The following GSE1 variants were observed in gnomAD, a reference collection of about 807,000 sequenced individuals.
GSE1 encodes the protein genetic suppressor element 1.
In GSE1, 32 loss-of-function variants were observed where a neutral mutation model predicts 112.6. That is an observed-to-expected ratio of 0.28 (90% CI 0.21 to 0.38). GSE1 has a LOEUF of 0.38. Among genes scored for constraint, GSE1 ranks in the 10% least tolerant of loss-of-function variants. GSE1 has a pLI of 1.00. For synonymous variants in GSE1, 1,115 were observed against 735.6 expected (o/e 1.52, Z -8.35); for missense variants, 2,348 against 1,699.2 (o/e 1.38, Z -6.71).
chr16:85,479,975 G>T (rs1245876776), intron 2 of GSE1, among the ~76,000 whole-genome samples: 1 of 152,232 alleles, frequency 6.6e-6, no homozygotes, highest in African/African-American at 2.4e-5. Flanking sequence ...AGCTCAGAAA[G>T]GACCCAAGGT....
intron 2 of GSE1, among the ~76,000 whole-genome samples, chr16:85,638,926 G>T (rs1205257165): frequency 1.3e-5 from 2 of 152,124 alleles, no homozygotes; most frequent in Non-Finnish European, 2.9e-5. Context: ...AGTGGTGCAG[G>T]GTGCAGGCAG....
chr16:85,667,409 C>A (rs187181217), intron 13 of GSE1, among the ~76,000 whole-genome samples: 2 of 152,232 alleles, frequency 1.3e-5, no homozygotes, highest in South Asian at 4.1e-4. Flanking sequence ...CACCAGGCCA[C>A]GCCATGAGAC....
At chr16:85,200,732 C>T (rs1483907215) in intron 1 of GSE1, among the ~76,000 whole-genome samples, 1 of 152,196 alleles carries the variant, frequency 6.6e-6, no homozygotes. Context: ...CAATTTTTGT[C>T]GTGCTAAGAT....
At chr16:85,481,138 G>A (rs753228039) in intron 2 of GSE1, among the ~76,000 whole-genome samples, 1 of 150,266 alleles carries the variant, frequency 6.7e-6, no homozygotes, top group African/African-American at 2.4e-5. Context: ...CTCCCCACCC[G>A]GTCCATCCCC....
chr16:85,633,866 G>C, intron 1 of GSE1, 48 bp from the exon 2 acceptor site: 1 of 1,477,026 alleles, frequency 6.8e-7, no homozygotes, highest in Non-Finnish European at 9.4e-7. Context: ...CTGGTGCTGG[G>C]CGCTCCTGCT....
At chr16:85,242,150 C>T (rs1023750658) in intron 1 of GSE1, among the ~76,000 whole-genome samples, 2 of 152,210 alleles carry the variant, frequency 1.3e-5, no homozygotes, top group East Asian at 1.9e-4. Flanking sequence ...CCAGGCATCT[C>T]GCCCTGTGGA....
Position 85,651,716 on chromosome 16 carries a change from A to T in GSE1, c.427-2562A>T, listed in dbSNP as rs1038017681. On this transcript the variant is annotated intron_variant, in intron 3 of 15. Coordinates refer to ENST00000253458, the MANE Select transcript of GSE1 (RefSeq NM_014615.5). ...GACTCTGGCCACCCAAGGCTGGGTG[A>T]TGATTGAAGCCCCTGGCTGTCGTCT... Among the ~76,000 whole-genome samples, 8 of 152,268 alleles carry T rather than the reference A, an allele frequency of 5.3e-5. 1 individual carries two copies. The highest frequency in any genetic ancestry group is 6.8e-3 in the Middle Eastern group (2 of 294).
intron 2 of GSE1, among the ~76,000 whole-genome samples, chr16:85,524,477 T>C (rs531003897): frequency 8.6e-5 from 13 of 150,894 alleles, no homozygotes; most frequent in African/African-American, 2.9e-4. Flanking sequence ...GGTTGTCAGA[T>C]GGGGCCCTGC....
At position 85,675,269 on chromosome 16, in the gene GSE1, A is replaced by T. The variant is rs1009727326; in HGVS notation, c.*2730A>T. The T allele has an allele frequency of 4.6e-5, 7 of 152,166 alleles. No homozygotes were observed. Among genetic ancestry groups the T allele is most frequent in the South Asian group, 2.1e-4 (1 of 4,832 alleles). The allele number at this position is 152,166 out of a possible 1,614,324, so 9.4% of individuals were successfully genotyped here. On this transcript the variant is annotated 3_prime_UTR_variant, in exon 16 of 16. Coordinates refer to ENST00000253458, the MANE Select transcript of GSE1 (RefSeq NM_014615.5). ...AAGCCCTCGGCTCGGTCCTTAGACC[A>T]TCTTCCTACATTACCTGGAAGGGAG... is the stretch of plus-strand genomic sequence containing the variant.
At chr16:85,393,542 G>A (rs544264046) in intron 2 of GSE1, among the ~76,000 whole-genome samples, 1 of 152,340 alleles carries the variant, frequency 6.6e-6, no homozygotes, top group East Asian at 1.9e-4. Flanking sequence ...AAGGGGTGTG[G>A]AAGCAGCTGG....
At chr16:85,360,905 A>T (rs994619154) in intron 2 of GSE1, among the ~76,000 whole-genome samples, 2 of 151,904 alleles carry the variant, frequency 1.3e-5, no homozygotes, top group African/African-American at 2.4e-5. Context: ...ATGCACGTGG[A>T]TACACAGACT....
At chr16:85,179,995 C>G (rs903814345) in intron 1 of GSE1, among the ~76,000 whole-genome samples, 2 of 152,204 alleles carry the variant, frequency 1.3e-5, no homozygotes, top group Non-Finnish European at 2.9e-5. Flanking sequence ...CGCTAACCAT[C>G]TCGTCTTTCT....
intron 1 of GSE1, among the ~76,000 whole-genome samples, chr16:85,558,856 C>A (rs1015169908): frequency 2.0e-5 from 3 of 152,030 alleles, no homozygotes; most frequent in Non-Finnish European, 4.4e-5. Context: ...ACGGCAGTGG[C>A]CTGGTCCTCT....
At chr16:85,342,381 C>G (rs2046642402) in intron 1 of GSE1, among the ~76,000 whole-genome samples, 1 of 152,190 alleles carries the variant, frequency 6.6e-6, no homozygotes, top group Admixed American at 6.5e-5. Context: ...AATTAATAGT[C>G]TAGTGATCAC....
At chr16:85,548,227 C>CAAA (rs1241025677) in intron 2 of GSE1, among the ~76,000 whole-genome samples, 4 of 70,074 alleles carry the variant, frequency 5.7e-5, no homozygotes, top group Admixed American at 1.4e-4. Flanking sequence ...GACTCTTTCT[C>CAAA]AAAAAAAAAA....
At chr16:85,630,707 G>C (rs1230322981) in intron 1 of GSE1, among the ~76,000 whole-genome samples, 2 of 152,226 alleles carry the variant, frequency 1.3e-5, no homozygotes, top group East Asian at 1.9e-4. Flanking sequence ...GGGTGCCATG[G>C]TTGGGCCGTG....
At chr16:85,457,637 G>A (rs2049864147) in intron 2 of GSE1, among the ~76,000 whole-genome samples, 1 of 152,052 alleles carries the variant, frequency 6.6e-6, no homozygotes, top group Admixed American at 6.5e-5. Flanking sequence ...CTGCCTCGTT[G>A]GGTGAAGCTG....
chr16:85,231,075 GGGAT>G (rs56002818), intron 1 of GSE1, among the ~76,000 whole-genome samples: 3,427 of 123,718 alleles, frequency 0.028, 158 homozygotes, highest in East Asian at 0.13. Flanking sequence ...GCTGGACAGA[GGGAT>G]GGATGGATGG....
At chr16:85,647,446 C>G (rs1054443513) in intron 2 of GSE1, among the ~76,000 whole-genome samples, 4 of 152,216 alleles carry the variant, frequency 2.6e-5, no homozygotes, top group African/African-American at 9.7e-5. Flanking sequence ...ATCTCATTTT[C>G]TGAAATTTAA....
Sources: gnomAD v4.1 joint callset for allele counts (sites outside exome capture counted in the v4.1 genomes callset) on GRCh38, gnomAD v4.1.1 for gene constraint, MANE v1.5 for transcripts, NCBI Gene and HGNC (gene_info 2026-07-23, HGNC 2026-07-21) for gene names.